The following TMEM178A variants were observed in gnomAD, a reference collection of about 807,000 sequenced individuals.
TMEM178A encodes transmembrane protein 178A.
Under a neutral mutation model 29.1 loss-of-function variants are expected in TMEM178A, and 12 were observed. The observed-to-expected ratio is 0.41, with a 90% CI of 0.26 to 0.67. The LOEUF is 0.67. Among genes scored for constraint, TMEM178A ranks in the 30% least tolerant of loss-of-function variants. TMEM178A has a pLI of 0.29. For synonymous variants in TMEM178A, 210 were observed against 187.2 expected (o/e 1.12, Z -0.99); for missense variants, 366 against 419.1 (o/e 0.87, Z 1.11).
chr2:39,703,670 C>T (rs961297936), intron 1 of TMEM178A, among the ~76,000 whole-genome samples: 9 of 152,160 alleles, frequency 5.9e-5, no homozygotes, highest in Admixed American at 5.9e-4. Flanking sequence ...CTTCTGGTTT[C>T]CAAATAACAC....
intron 2 of TMEM178A, among the ~76,000 whole-genome samples, chr2:39,706,129 G>C (rs1234796725): frequency 6.6e-6 from 1 of 152,238 alleles, no homozygotes; most frequent in African/African-American, 2.4e-5. Context: ...GAGGCAACTT[G>C]TGTCCAGGTA....
chr2:39,721,289 T>A (rs1222766810), downstream of TMEM178A, among the ~76,000 whole-genome samples: 4 of 152,246 alleles, frequency 2.6e-5, no homozygotes, highest in Non-Finnish European at 4.4e-5. Flanking sequence ...GCAACCTGTG[T>A]TTTGCCAGGC....
chr2:39,671,480 G>C (rs1558441199), intron 1 of TMEM178A, among the ~76,000 whole-genome samples: 1 of 152,134 alleles, frequency 6.6e-6, no homozygotes, highest in Non-Finnish European at 1.5e-5. Context: ...ACCTTCTCTT[G>C]GGTTAAAAGA....
At chr2:39,702,601 A>T (rs1671832264) in intron 1 of TMEM178A, among the ~76,000 whole-genome samples, 1 of 152,112 alleles carries the variant, frequency 6.6e-6, no homozygotes, top group African/African-American at 2.4e-5. Context: ...CAGCTAACTT[A>T]TATGTAAACA....
intron 3 of TMEM178A, among the ~76,000 whole-genome samples, chr2:39,712,888 A>G (rs1430096998): frequency 6.6e-6 from 1 of 152,212 alleles, no homozygotes; most frequent in Non-Finnish European, 1.5e-5. Context: ...CATTAATTAG[A>G]TTGCTGCCAA....
At chr2:39,696,583 C>A (rs1203971027) in intron 1 of TMEM178A, among the ~76,000 whole-genome samples, 2 of 152,190 alleles carry the variant, frequency 1.3e-5, no homozygotes, top group Non-Finnish European at 2.9e-5. Context: ...CCACAAGTCA[C>A]ACAACTAGGA....
At chr2:39,708,147 T>C (rs1672120626) in intron 3 of TMEM178A, among the ~76,000 whole-genome samples, 1 of 152,168 alleles carries the variant, frequency 6.6e-6, no homozygotes, top group African/African-American at 2.4e-5. Context: ...AAGATCTTGC[T>C]GAGGTGGCGA....
intron 1 of TMEM178A, among the ~76,000 whole-genome samples, chr2:39,670,987 G>T (rs1170054615): frequency 6.6e-6 from 1 of 152,122 alleles, no homozygotes; most frequent in South Asian, 2.1e-4. Context: ...AATTAAAAAT[G>T]ATAGGATTTC....
At chr2:39,676,672 C>T (rs1670639162) in intron 1 of TMEM178A, among the ~76,000 whole-genome samples, 1 of 152,178 alleles carries the variant, frequency 6.6e-6, no homozygotes, top group Non-Finnish European at 1.5e-5. Context: ...CTGGCTGACA[C>T]CTGAACAAAA....
intron 1 of TMEM178A, among the ~76,000 whole-genome samples, chr2:39,696,749 C>T (rs547787177): frequency 7.9e-5 from 12 of 152,260 alleles, no homozygotes; most frequent in African/African-American, 2.9e-4. Flanking sequence ...GCTTGGAACT[C>T]AGTATTGAAA....
At chr2:39,687,080 C>T (rs1465177962) in intron 1 of TMEM178A, among the ~76,000 whole-genome samples, 1 of 147,066 alleles carries the variant, frequency 6.8e-6, no homozygotes, top group Non-Finnish European at 1.5e-5. Flanking sequence ...GTTGTCTCAC[C>T]CTCTCCTTCT....
chr2:39,678,004 G>T (rs1251354858), intron 1 of TMEM178A, among the ~76,000 whole-genome samples: 2 of 152,082 alleles, frequency 1.3e-5, no homozygotes, highest in East Asian at 3.9e-4. Flanking sequence ...GAAAGGAAAG[G>T]AGATAGGAAG....
At chr2:39,700,066 A>G (rs1407905063) in intron 1 of TMEM178A, among the ~76,000 whole-genome samples, 1 of 152,156 alleles carries the variant, frequency 6.6e-6, no homozygotes, top group Non-Finnish European at 1.5e-5. Flanking sequence ...TTGCTTACAT[A>G]TGGTCTATCC....
chr2:39,723,946 T>G, the TMEM178A span, among the ~76,000 whole-genome samples: 1 of 152,226 alleles, frequency 6.6e-6, no homozygotes, highest in Admixed American at 6.5e-5. Flanking sequence ...TGGAAGTTAC[T>G]GCTCTATAGT....
intron 3 of TMEM178A, among the ~76,000 whole-genome samples, chr2:39,711,389 A>G (rs1672294094): frequency 6.6e-6 from 1 of 152,202 alleles, no homozygotes; most frequent in African/African-American, 2.4e-5. Context: ...GATTTTTAGT[A>G]TTTTTTAATT....
At chr2:39,670,506 G>A (rs1670368280) in intron 1 of TMEM178A, among the ~76,000 whole-genome samples, 1 of 152,180 alleles carries the variant, frequency 6.6e-6, no homozygotes, top group Non-Finnish European at 1.5e-5. Context: ...ACTTTGGGAT[G>A]GCTGATAGCA....
intron 1 of TMEM178A, among the ~76,000 whole-genome samples, chr2:39,671,670 C>T (rs1306933331): frequency 6.6e-6 from 1 of 152,140 alleles, no homozygotes; most frequent in East Asian, 1.9e-4. Context: ...ACACATACAT[C>T]ATAAAACAGA....
chr2:39,718,991 G>C (rs1185865659), downstream of TMEM178A, among the ~76,000 whole-genome samples: 2 of 152,172 alleles, frequency 1.3e-5, no homozygotes, highest in African/African-American at 2.4e-5. Flanking sequence ...CCAAAGGATA[G>C]AGTCTGATTT....
At chr2:39,705,985 A>T (rs529692226) in intron 2 of TMEM178A, among the ~76,000 whole-genome samples, 101 of 151,526 alleles carry the variant, frequency 6.7e-4, no homozygotes, top group African/African-American at 2.5e-3. Context: ...TAGTTTTGTT[A>T]AAAAAAATCC....
Sources: gnomAD v4.1 joint callset for allele counts (sites outside exome capture counted in the v4.1 genomes callset) on GRCh38, gnomAD v4.1.1 for gene constraint, MANE v1.5 for transcripts, NCBI Gene and HGNC (gene_info 2026-07-23, HGNC 2026-07-21) for gene names.